OSBPL6: variants seen among roughly 807,000 people sequenced by gnomAD.
OSBPL6 encodes oxysterol-binding protein-related protein 6.
In OSBPL6, 49 loss-of-function variants were observed where a neutral mutation model predicts 125.8. That is an observed-to-expected ratio of 0.39 (90% CI 0.31 to 0.49). The LOEUF (loss-of-function observed/expected upper bound fraction) is 0.49. Ranked by LOEUF, OSBPL6 falls within the 20% of genes least tolerant of loss-of-function variation. The probability of loss-of-function intolerance (pLI) is 0.88; values close to 1 mark genes in which losing one functional copy is unlikely to be tolerated. For synonymous variants in OSBPL6, 394 were observed against 391.8 expected (o/e 1.01, Z -0.07); for missense variants, 986 against 1,135.4 (o/e 0.87, Z 1.89).
intron 3 of OSBPL6, among the ~76,000 whole-genome samples, chr2:178,318,373 T>A (rs1402573672): frequency 6.6e-6 from 1 of 152,140 alleles, no homozygotes; most frequent in African/African-American, 2.4e-5. Context: ...AGCCACTGTT[T>A]CTAAAATTTT....
intron 1 of OSBPL6, among the ~76,000 whole-genome samples, chr2:178,198,432 G>A (rs925843452): frequency 1.3e-5 from 2 of 151,770 alleles, no homozygotes; most frequent in African/African-American, 4.8e-5. Context: ...TAGTAGCTGG[G>A]ACTACAGGTG....
chr2:178,336,999 T>C (rs1689745708), intron 9 of OSBPL6, among the ~76,000 whole-genome samples: 1 of 152,248 alleles, frequency 6.6e-6, no homozygotes, highest in South Asian at 2.1e-4. Context: ...TGATTCAATA[T>C]TCTGAACCAA....
At position 178,395,795 on chromosome 2, in the gene OSBPL6, A is replaced by AAAC; in HGVS notation, c.*238_*239insCAA. 1 of 520,308 alleles carries AAAC rather than the reference A, an allele frequency of 1.9e-6. No homozygotes were observed. Among genetic ancestry groups the AAAC allele is most frequent in the Non-Finnish European group, 3.6e-6 (1 of 281,458 alleles). The allele number at this position is 520,308 out of a possible 1,614,324, so 32.2% of individuals were successfully genotyped here. On this transcript the variant is annotated 3_prime_UTR_variant, in exon 25 of 25. Coordinates refer to ENST00000190611, the MANE Select transcript of OSBPL6 (RefSeq NM_032523.4). ...CTTAAAAAAAAAAAAAAAAAAAAAA[A>AAAC]AAAAATCCACACCGTCCTTGGAAAG...
At chr2:178,333,544 C>T (rs1689415026) in intron 8 of OSBPL6, among the ~76,000 whole-genome samples, 1 of 152,136 alleles carries the variant, frequency 6.6e-6, no homozygotes, top group Non-Finnish European at 1.5e-5. Flanking sequence ...ATAAATTAGG[C>T]AGAAATGTGG....
intron 2 of OSBPL6, among the ~76,000 whole-genome samples, chr2:178,292,254 G>T (rs1480988189): frequency 7.2e-5 from 11 of 152,206 alleles, no homozygotes; most frequent in Non-Finnish European, 2.9e-5. Context: ...TTTCAAATAT[G>T]TTTTACATAC....
chr2:178,212,032 A>G (rs956459171), intron 1 of OSBPL6, among the ~76,000 whole-genome samples: 3 of 151,940 alleles, frequency 2.0e-5, no homozygotes, highest in African/African-American at 7.2e-5. Context: ...TGCAAGGGAG[A>G]AAAAATGTCA....
At chr2:178,254,852 A>G (rs1286049927) in intron 1 of OSBPL6, among the ~76,000 whole-genome samples, 2 of 152,192 alleles carry the variant, frequency 1.3e-5, no homozygotes, top group Non-Finnish European at 2.9e-5. Flanking sequence ...GAGGTAGTGT[A>G]TTTAGTCTGT....
chr2:178,373,383 G>A (rs1693579716), intron 14 of OSBPL6, among the ~76,000 whole-genome samples: 1 of 151,800 alleles, frequency 6.6e-6, no homozygotes, highest in Admixed American at 6.6e-5. Flanking sequence ...ATCACTTATT[G>A]AATAAAAGTA....
intron 14 of OSBPL6, among the ~76,000 whole-genome samples, chr2:178,372,834 T>C (rs1256481385): frequency 6.6e-6 from 1 of 152,214 alleles, no homozygotes; most frequent in African/African-American, 2.4e-5. Context: ...GGTGGTATTA[T>C]TATTCCATTT....
At chr2:178,221,023 G>A (rs2090317518) in intron 1 of OSBPL6, among the ~76,000 whole-genome samples, 1 of 152,198 alleles carries the variant, frequency 6.6e-6, no homozygotes. Flanking sequence ...TTTATGGTGG[G>A]TTTAGCTCAG....
intron 3 of OSBPL6, chr2:178,320,474 T>C (rs1380713604): frequency 6.7e-7 from 1 of 1,486,392 alleles, no homozygotes; most frequent in Non-Finnish European, 9.2e-7. Flanking sequence ...CTTATAATTT[T>C]AGCATTTGAG....
intron 11 of OSBPL6, among the ~76,000 whole-genome samples, chr2:178,340,755 A>G (rs979560423): frequency 7.2e-5 from 11 of 152,202 alleles, no homozygotes; most frequent in Admixed American, 5.9e-4. Context: ...CTGAATAATT[A>G]ACAAAATAAT....
chr2:178,195,241 GGGCACCCCTGCCCACCCGCTGCT>G (rs2088808815), intron 1 of OSBPL6, among the ~76,000 whole-genome samples: 1 of 152,086 alleles, frequency 6.6e-6, no homozygotes, highest in Admixed American at 6.5e-5. Context: ...TGCCCTCGCG[GGGCACCCCTGCCCACCCGCTGCT>G]GGCGCCCCTG....
intron 1 of OSBPL6, among the ~76,000 whole-genome samples, chr2:178,258,390 C>T (rs1483996224): frequency 6.6e-6 from 1 of 152,094 alleles, no homozygotes; most frequent in East Asian, 1.9e-4. Context: ...AGCCACTGTG[C>T]CTGGCCAGGC....
At chr2:178,259,396 T>C (rs958176937) in intron 1 of OSBPL6, among the ~76,000 whole-genome samples, 1 of 152,120 alleles carries the variant, frequency 6.6e-6, no homozygotes, top group Non-Finnish European at 1.5e-5. Context: ...TTAACGAGAT[T>C]ACTTAATGGT....
chr2:178,346,352 G>A (rs900213293), intron 11 of OSBPL6, among the ~76,000 whole-genome samples: 5 of 152,198 alleles, frequency 3.3e-5, no homozygotes, highest in Non-Finnish European at 5.9e-5. Flanking sequence ...GATGAGTCCT[G>A]TAAGCATAGT....
intron 1 of OSBPL6, among the ~76,000 whole-genome samples, chr2:178,214,869 T>C (rs2090024127): frequency 1.3e-5 from 2 of 152,122 alleles, no homozygotes; most frequent in African/African-American, 4.8e-5. Context: ...GAGGATTGCT[T>C]GAGCCCAGGA....
At chr2:178,306,381 G>T in intron 3 of OSBPL6, 95 bp downstream of exon 3, 1 of 786,174 alleles carries the variant, frequency 1.3e-6, no homozygotes, top group Non-Finnish European at 2.2e-6. Context: ...AAATTTTGTT[G>T]TAAAGTCTTT....
At chr2:178,296,868 A>G (rs1685802323) in intron 2 of OSBPL6, among the ~76,000 whole-genome samples, 1 of 152,230 alleles carries the variant, frequency 6.6e-6, no homozygotes, top group African/African-American at 2.4e-5. Context: ...CTCATGCTCG[A>G]ATGCCCAACA....
Sources: gnomAD v4.1 joint callset for allele counts (sites outside exome capture counted in the v4.1 genomes callset) on GRCh38, gnomAD v4.1.1 for gene constraint, MANE v1.5 for transcripts, NCBI Gene and HGNC (gene_info 2026-07-23, HGNC 2026-07-21) for gene names.